MYOM2: variants seen among roughly 807,000 people sequenced by gnomAD.
MYOM2 encodes myomesin 2.
Under a neutral mutation model 187.6 loss-of-function variants are expected in MYOM2, and 254 were observed. The observed-to-expected ratio is 1.35, with a 90% CI of 1.22 to 1.50. The LOEUF is 1.50. Ranked by LOEUF, MYOM2 falls within the 40% of genes most tolerant of loss-of-function variation. The pLI is 0.00. For missense variants in MYOM2, 2,796 were observed against 1,924.0 expected (o/e 1.45, Z -8.48); for synonymous variants, 981 against 753.8 (o/e 1.30, Z -4.94).
chr8:2,096,001 A>G (rs62478389), intron 17 of MYOM2, among the ~76,000 whole-genome samples: 8,200 of 152,308 alleles, frequency 0.054, 297 homozygotes, highest in Non-Finnish European at 0.075. Context: ...AAGCCTTAGT[A>G]GATACACTTA....
chr8:2,072,139 C>T (rs551333947), intron 8 of MYOM2, among the ~76,000 whole-genome samples: 3 of 152,294 alleles, frequency 2.0e-5, no homozygotes, highest in Admixed American at 2.0e-4. Flanking sequence ...TGCTCTCTGC[C>T]CTAATGGCGT....
Position 2,096,341 on chromosome 8 carries a change from G to T in MYOM2, c.2220G>T (p.Ser740=), listed in dbSNP as rs531014414. ...GWKVPKFSGG[S]PILGYYLDKR... ...AGGTCCCGAAATTCAGTGGTGGCTC[G>T]CCCATCCTGGGCTACTACCTGGACA... The change falls in exon 18 of 37, where the codon TCG becomes TCT. Residue 740 remains serine, a synonymous_variant. Coordinates refer to ENST00000262113, the MANE Select transcript of MYOM2 (RefSeq NM_003970.4). 29 of 1,614,006 alleles carry T rather than the reference G, an allele frequency of 1.8e-5. No homozygotes were observed. Among genetic ancestry groups the T allele is most frequent in the Non-Finnish European group, 2.5e-5 (29 of 1,180,038 alleles).
Position 2,052,171 on chromosome 8 carries a change from C to A in MYOM2, c.121C>A (p.Gln41Lys). 1.2e-6 allele frequency: 2 copies of A among 1,613,364 alleles called. No homozygotes were observed. The highest frequency in any genetic ancestry group is 1.1e-5 in the South Asian group (1 of 90,836). ...ATGTTCCTGAAGGCGAGCTTCCACC[C>A]AGGCATCTTCCCAGAAGTCCTTGAG... ...EYASKKRAST[Q>K]ASSQKSLSQR... Residue 41 changes from glutamine (Q) to lysine (K), a missense_variant, in exon 3 of 37, where the codon CAG becomes AAG. Gln to Lys is a moderately conservative substitution (Grantham distance 53). Transcript: ENST00000262113.
intron 20 of MYOM2, 128 bp downstream of exon 20, chr8:2,101,182 C>T (rs1027617142): frequency 6.6e-6 from 6 of 902,898 alleles, no homozygotes; most frequent in East Asian, 2.7e-5. Flanking sequence ...CCCGTCTCTA[C>T]TAAAAATACA....
intron 2 of MYOM2, among the ~76,000 whole-genome samples, chr8:2,051,235 G>A (rs758557674): frequency 3.9e-5 from 6 of 152,222 alleles, no homozygotes; most frequent in Non-Finnish European, 7.3e-5. Flanking sequence ...CTGTCGGTAG[G>A]AGAGAAGTTA....
At chr8:2,046,444 G>A (rs1818313463) in intron 1 of MYOM2, among the ~76,000 whole-genome samples, 1 of 152,174 alleles carries the variant, frequency 6.6e-6, no homozygotes, top group African/African-American at 2.4e-5. Flanking sequence ...GAGTCAGCTG[G>A]CGCCTGGGTT....
chr8:2,061,024 C>T (rs895318885), intron 6 of MYOM2, among the ~76,000 whole-genome samples: 3 of 152,052 alleles, frequency 2.0e-5, no homozygotes, highest in Admixed American at 6.6e-5. Context: ...CAGGCTGGGG[C>T]CATCAGACAT....
At chr8:2,096,971 C>T in intron 18 of MYOM2, 1 of 240,030 alleles carries the variant, frequency 4.2e-6, no homozygotes, top group Non-Finnish European at 6.8e-6. Context: ...GGGTCAGATC[C>T]AGACACCCCC....
chr8:2,136,162 A>G (rs892833629), intron 32 of MYOM2, among the ~76,000 whole-genome samples: 3 of 152,328 alleles, frequency 2.0e-5, no homozygotes, highest in Middle Eastern at 3.4e-3. Context: ...GAACGCCAAC[A>G]TGGGCAGCTC....
intron 28 of MYOM2, 136 bp from the exon 29 acceptor site, chr8:2,123,116 C>T (rs897750034): frequency 7.6e-6 from 4 of 523,622 alleles, no homozygotes; most frequent in African/African-American, 3.9e-5. Flanking sequence ...TTCCATAAGC[C>T]TTCGTCTGAG....
intron 31 of MYOM2, among the ~76,000 whole-genome samples, chr8:2,126,626 G>T (rs551247086): frequency 1.3e-5 from 2 of 151,874 alleles, no homozygotes; most frequent in South Asian, 4.2e-4. Context: ...GGGGAGCATT[G>T]GGGGAGGCTG....
intron 18 of MYOM2, 27 bp from the exon 19 acceptor site, chr8:2,098,830 G>A: frequency 6.3e-7 from 1 of 1,595,426 alleles, no homozygotes; most frequent in Non-Finnish European, 8.6e-7. Flanking sequence ...TTTATCTCAT[G>A]TATTAATTTA....
At chr8:2,066,816 G>A (rs1470567223) in intron 6 of MYOM2, among the ~76,000 whole-genome samples, 2 of 152,212 alleles carry the variant, frequency 1.3e-5, no homozygotes, top group Non-Finnish European at 2.9e-5. Context: ...ACACACTGTT[G>A]CTTTGCACCT....
Position 2,145,197 on chromosome 8 carries a change from T to G in MYOM2, c.*216T>G. 1.6e-6 allele frequency: 1 copy of G among 606,428 alleles called. No individual in the cohort carries two copies. Among genetic ancestry groups the G allele is most frequent in the South Asian group, 2.2e-5 (1 of 45,052 alleles). 37.6% of individuals were successfully genotyped at this position (606,428 alleles called of 1,614,324 possible). On this transcript the variant is annotated 3_prime_UTR_variant, in exon 37 of 37. Transcript: ENST00000262113. Reference sequence around the variant, plus strand: ...TTTCCACAAGACTGAACAACGTGTATTTACACGAGGGTAGACGGCAGATGC... The same window carrying G: ...TTTCCACAAGACTGAACAACGTGTAGTTACACGAGGGTAGACGGCAGATGC...
chr8:2,118,985 T>C (rs1365742038), intron 28 of MYOM2: 3 of 152,112 alleles, frequency 2.0e-5, no homozygotes, highest in African/African-American at 4.8e-5. Context: ...GAGAGGGAAG[T>C]GTACTGGAGG....
chr8:2,131,646 T>TC (rs1364194720), intron 32 of MYOM2, among the ~76,000 whole-genome samples: 2 of 128,122 alleles, frequency 1.6e-5, no homozygotes, highest in Admixed American at 8.1e-5. Flanking sequence ...TTTCTTTCTT[T>TC]TTTTTTTTTT....
At chr8:2,128,527 T>A (rs1442835519) in intron 31 of MYOM2, among the ~76,000 whole-genome samples, 3 of 152,236 alleles carry the variant, frequency 2.0e-5, no homozygotes, top group Non-Finnish European at 4.4e-5. Flanking sequence ...TATCTTCTCC[T>A]TTCTGACCTC....
intron 13 of MYOM2, 37 bp downstream of exon 13, chr8:2,079,650 T>C (rs765371125): frequency 1.2e-6 from 2 of 1,604,400 alleles, no homozygotes; most frequent in East Asian, 2.2e-5. Flanking sequence ...GCTCAGCCCC[T>C]GGGGATTTGG....
chr8:2,089,407 C>G (rs1796215843), intron 14 of MYOM2, among the ~76,000 whole-genome samples: 1 of 152,168 alleles, frequency 6.6e-6, no homozygotes, highest in Admixed American at 6.5e-5. Flanking sequence ...TTTTAATGCT[C>G]TTGTTGTATC....
Sources: gnomAD v4.1 joint callset for allele counts (sites outside exome capture counted in the v4.1 genomes callset) on GRCh38, gnomAD v4.1.1 for gene constraint, MANE v1.5 for transcripts, NCBI Gene and HGNC (gene_info 2026-07-23, HGNC 2026-07-21) for gene names.